LPP: variants seen among roughly 807,000 people sequenced by gnomAD.
The protein encoded by LPP is lipoma-preferred partner.
Under a neutral mutation model 60.4 loss-of-function variants are expected in LPP, and 38 were observed. The ratio of observed to expected loss-of-function variants is 0.63; its 90% confidence interval spans 0.49 to 0.83. LPP has a LOEUF of 0.83. Among genes scored for constraint, LPP ranks in the 40% least tolerant of loss-of-function variants. The probability of loss-of-function intolerance (pLI) is 0.00; values close to 1 mark genes in which losing one functional copy is unlikely to be tolerated. For missense variants in LPP, 902 were observed against 783.6 expected, an observed-to-expected ratio of 1.15 and a Z score of -1.80; for synonymous variants, 328 against 290.8, an observed-to-expected ratio of 1.13 and a Z score of -1.30.
At chr3:188,470,776 C>T (rs1392042421) in intron 4 of LPP, among the ~76,000 whole-genome samples, 1 of 152,002 alleles carries the variant, frequency 6.6e-6, no homozygotes, top group Non-Finnish European at 1.5e-5. Flanking sequence ...TCTTGGTGTC[C>T]AGGAAGCCAG....
intron 1 of LPP, among the ~76,000 whole-genome samples, chr3:188,201,693 T>C (rs1731140448): frequency 6.6e-6 from 1 of 151,926 alleles, no homozygotes; most frequent in Non-Finnish European, 1.5e-5. Flanking sequence ...GGTGACAGAG[T>C]GAGATTCCAT....
chr3:188,565,722 A>G (rs758586603), intron 6 of LPP, among the ~76,000 whole-genome samples: 2 of 152,022 alleles, frequency 1.3e-5, no homozygotes, highest in Non-Finnish European at 2.9e-5. Context: ...TAAAGTACCA[A>G]ATAGAATGAA....
intron 2 of LPP, among the ~76,000 whole-genome samples, chr3:188,318,515 T>C (rs931281042): frequency 3.9e-5 from 6 of 152,120 alleles, no homozygotes; most frequent in Non-Finnish European, 7.4e-5. Flanking sequence ...CTAAAGTCCT[T>C]TTCTTTTAGC....
intron 9 of LPP, among the ~76,000 whole-genome samples, chr3:188,827,515 A>G (rs1755893886): frequency 6.6e-6 from 1 of 152,192 alleles, no homozygotes; most frequent in Non-Finnish European, 1.5e-5. Context: ...ACTCAGTTTC[A>G]TTCTTGTTAA....
chr3:188,602,279 G>T (rs1281482681), intron 6 of LPP, among the ~76,000 whole-genome samples: 4 of 148,430 alleles, frequency 2.7e-5, no homozygotes, highest in Non-Finnish European at 6.0e-5. Flanking sequence ...GAGGAATGGA[G>T]ATATGGGTAC....
At chr3:188,408,006 T>C (rs776102297) in intron 4 of LPP, among the ~76,000 whole-genome samples, 1 of 152,130 alleles carries the variant, frequency 6.6e-6, no homozygotes, top group Admixed American at 6.6e-5. Flanking sequence ...CAGGCTGGTC[T>C]TGAACTCCTG....
chr3:188,269,569 A>C (rs529626521), intron 2 of LPP, among the ~76,000 whole-genome samples: 1 of 152,262 alleles, frequency 6.6e-6, no homozygotes, highest in South Asian at 2.1e-4. Flanking sequence ...AAAGCATCAC[A>C]TGAAGAAATA....
At chr3:188,248,497 T>TATATATATATATATATATATATATATAC (rs1288280759) in intron 2 of LPP, among the ~76,000 whole-genome samples, 29 of 140,704 alleles carry the variant, frequency 2.1e-4, no homozygotes, top group Admixed American at 3.5e-4. Flanking sequence ...TATATATATA[T>TATATATATATATATATATATATATATAC]ACAGTCAGCA....
chr3:188,739,359 T>C (rs1446438125), intron 8 of LPP, among the ~76,000 whole-genome samples: 1 of 151,966 alleles, frequency 6.6e-6, no homozygotes. Context: ...GCATTTGAAA[T>C]GGGCCTTGGA....
intron 7 of LPP, among the ~76,000 whole-genome samples, chr3:188,668,582 A>G (rs546906346): frequency 6.6e-6 from 1 of 152,306 alleles, no homozygotes; most frequent in Non-Finnish European, 1.5e-5. Context: ...CTTAATAGGT[A>G]TTTGAGCAGA....
At chr3:188,327,829 C>A (rs1247484462) in intron 2 of LPP, among the ~76,000 whole-genome samples, 2 of 152,106 alleles carry the variant, frequency 1.3e-5, no homozygotes, top group African/African-American at 4.8e-5. Context: ...GTGGTTTCAT[C>A]TCTGAACTCC....
At chr3:188,716,667 T>C (rs1447404911) in intron 8 of LPP, among the ~76,000 whole-genome samples, 1 of 151,924 alleles carries the variant, frequency 6.6e-6, no homozygotes, top group Non-Finnish European at 1.5e-5. Flanking sequence ...GTGAGGGGAG[T>C]CTGGCCAGTT....
At chr3:188,423,271 A>T (rs1409236621) in intron 4 of LPP, among the ~76,000 whole-genome samples, 1 of 152,174 alleles carries the variant, frequency 6.6e-6, no homozygotes, top group East Asian at 1.9e-4. Flanking sequence ...CCTGCAAAGG[A>T]CATGAACTCA....
intron 5 of LPP, among the ~76,000 whole-genome samples, chr3:188,485,426 A>G (rs1488222416): frequency 1.3e-5 from 2 of 152,198 alleles, no homozygotes; most frequent in Non-Finnish European, 2.9e-5. Flanking sequence ...TTTAGGTGTG[A>G]CTATGTTCGC....
chr3:188,264,990 T>C (rs1280280920), intron 2 of LPP, among the ~76,000 whole-genome samples: 1 of 152,216 alleles, frequency 6.6e-6, no homozygotes, highest in African/African-American at 2.4e-5. Flanking sequence ...TGTTTTCCAC[T>C]GGAAGCCTTC....
chr3:188,857,720 T>A (rs918633010), intron 9 of LPP, among the ~76,000 whole-genome samples: 12 of 152,238 alleles, frequency 7.9e-5, no homozygotes, highest in African/African-American at 2.9e-4. Flanking sequence ...AAGCCCATTT[T>A]ATATTATGAC....
At chr3:188,376,009 G>T (rs1381425823) in intron 3 of LPP, among the ~76,000 whole-genome samples, 2 of 152,166 alleles carry the variant, frequency 1.3e-5, no homozygotes, top group Admixed American at 6.5e-5. Flanking sequence ...ACGTAGTTGA[G>T]CTGTTTTGAG....
At chr3:188,716,264 T>C (rs966113415) in intron 8 of LPP, among the ~76,000 whole-genome samples, 2 of 152,228 alleles carry the variant, frequency 1.3e-5, no homozygotes, top group Admixed American at 1.3e-4. Context: ...ACCTAGCACA[T>C]GCTAAGCCTT....
intron 10 of LPP, among the ~76,000 whole-genome samples, chr3:188,870,803 TG>T (rs1767919881): frequency 1.3e-5 from 2 of 152,214 alleles, no homozygotes; most frequent in Admixed American, 1.3e-4. Flanking sequence ...CTCTTCGCTT[TG>T]GTTTTTCTCA....
Sources: allele counts gnomAD v4.1 joint callset (sites outside exome capture counted in the v4.1 genomes callset), GRCh38; gene constraint gnomAD v4.1.1; transcripts MANE v1.5; gene names NCBI Gene and HGNC (gene_info 2026-07-23, HGNC 2026-07-21).